GRID2: variants seen among roughly 807,000 people sequenced by gnomAD.
The protein encoded by GRID2 is glutamate receptor ionotropic, delta-2.
Under a neutral mutation model 114.8 loss-of-function variants are expected in GRID2, and 33 were observed. The ratio of observed to expected loss-of-function variants is 0.29; its 90% CI spans 0.22 to 0.38. The LOEUF (loss-of-function observed/expected upper bound fraction) is 0.38. GRID2 is among the 10% of genes least tolerant of loss of function. The pLI, the probability that GRID2 is intolerant of heterozygous loss-of-function variation, is 1.00. For synonymous variants in GRID2, 505 were observed against 449.9 expected (o/e 1.12, Z -1.55); for missense variants, 1,184 against 1,257.7 (o/e 0.94, Z 0.89).
chr4:92,318,507 C>CATT (rs1726129304), intron 1 of GRID2, among the ~76,000 whole-genome samples: 1 of 64,394 alleles, frequency 1.6e-5, no homozygotes, highest in Admixed American at 2.6e-4. Flanking sequence ...TATGCCAGGA[C>CATT]TTTTTTTTTT....
At chr4:93,101,814 G>T (rs1731733879) in intron 3 of GRID2, among the ~76,000 whole-genome samples, 2 of 152,176 alleles carry the variant, frequency 1.3e-5, no homozygotes, top group African/African-American at 4.8e-5. Context: ...AGATATCTGA[G>T]AAATTGATGG....
rs564415328 is a variant in GRID2, at chr4:92,664,046, T to C, written c.244+73760T>C. Reference sequence around the variant, plus strand: ...CTCTAACGTTTATTATTTCCTTCCTTCTTCTACCTCTGGGTTTTGTCTGTT... The same window carrying C: ...CTCTAACGTTTATTATTTCCTTCCTCCTTCTACCTCTGGGTTTTGTCTGTT... On this transcript the variant is annotated intron_variant, in intron 2 of 15. Transcript: ENST00000282020. Among the ~76,000 whole-genome samples the C allele has an allele frequency of 5.3e-5, 8 of 151,178 alleles. No individual in the cohort carries two copies. The South Asian group carries it at 1.7e-3, about 31-fold the overall frequency.
At chr4:93,416,356 C>T (rs1230541588) in intron 9 of GRID2, among the ~76,000 whole-genome samples, 2 of 151,960 alleles carry the variant, frequency 1.3e-5, no homozygotes, top group Non-Finnish European at 2.9e-5. Context: ...AAGCTCACAC[C>T]ATGCATAAAG....
At chr4:92,570,156 A>G (rs1727539703) in intron 1 of GRID2, among the ~76,000 whole-genome samples, 1 of 152,134 alleles carries the variant, frequency 6.6e-6, no homozygotes, top group Non-Finnish European at 1.5e-5. Flanking sequence ...GAAGGGGTCC[A>G]GTTTCAGTCT....
At chr4:92,425,363 T>A (rs1732107248) in intron 1 of GRID2, among the ~76,000 whole-genome samples, 1 of 151,976 alleles carries the variant, frequency 6.6e-6, no homozygotes, top group Admixed American at 6.6e-5. Flanking sequence ...CCAAAAAATG[T>A]CAAACACAAG....
intron 2 of GRID2, among the ~76,000 whole-genome samples, chr4:92,859,341 A>G (rs1176147255): frequency 6.6e-6 from 1 of 152,228 alleles, no homozygotes; most frequent in African/African-American, 2.4e-5. Flanking sequence ...GATTTGATAG[A>G]CTATAGTATA....
intron 2 of GRID2, among the ~76,000 whole-genome samples, chr4:93,082,196 T>A (rs1410207652): frequency 6.6e-6 from 1 of 152,220 alleles, no homozygotes. Flanking sequence ...TTGTGTGAGC[T>A]CTTCCTTTCC....
chr4:93,743,132 T>C (rs11935781), intron 14 of GRID2, among the ~76,000 whole-genome samples: 7,057 of 152,198 alleles, frequency 0.046, 543 homozygotes, highest in African/African-American at 0.16. Context: ...GGATAGAAGA[T>C]CATACCAGCC....
chr4:92,818,031 A>C (rs1296610720), intron 2 of GRID2, among the ~76,000 whole-genome samples: 4 of 152,248 alleles, frequency 2.6e-5, no homozygotes, highest in African/African-American at 9.6e-5. Context: ...CATGTGTGTG[A>C]AACCTTTTGT....
chr4:93,650,182 C>T (rs1722460630), intron 14 of GRID2, among the ~76,000 whole-genome samples: 1 of 152,112 alleles, frequency 6.6e-6, no homozygotes, highest in Non-Finnish European at 1.5e-5. Flanking sequence ...TGCCAACTTC[C>T]AATGCCTTTC....
chr4:93,145,720 T>A (rs1026347405), intron 4 of GRID2, among the ~76,000 whole-genome samples: 1 of 135,162 alleles, frequency 7.4e-6, no homozygotes, highest in East Asian at 2.5e-4. Flanking sequence ...TGTCTCGAAC[T>A]CCTGACCTCA....
chr4:92,454,700 T>G (rs1721116601), intron 1 of GRID2, among the ~76,000 whole-genome samples: 1 of 152,056 alleles, frequency 6.6e-6, no homozygotes, highest in Non-Finnish European at 1.5e-5. Context: ...GCCGGGCGTG[T>G]TGGCAGGCGC....
chr4:92,911,473 G>C (rs974511118), intron 2 of GRID2, among the ~76,000 whole-genome samples: 1 of 151,926 alleles, frequency 6.6e-6, no homozygotes, highest in Non-Finnish European at 1.5e-5. Context: ...AGGTAGTTAG[G>C]TATAACAGTT....
At chr4:93,149,204 T>C (rs1172085519) in intron 4 of GRID2, among the ~76,000 whole-genome samples, 1 of 152,070 alleles carries the variant, frequency 6.6e-6, no homozygotes, top group Non-Finnish European at 1.5e-5. Context: ...ATTCAAAATC[T>C]CCATTTTCCT....
intron 2 of GRID2, among the ~76,000 whole-genome samples, chr4:93,016,902 T>C (rs549446490): frequency 6.6e-5 from 10 of 152,302 alleles, no homozygotes; most frequent in African/African-American, 2.4e-4. Flanking sequence ...TAAATGACTT[T>C]CTTGAGTAGC....
intron 12 of GRID2, among the ~76,000 whole-genome samples, chr4:93,503,590 C>T (rs1007761930): frequency 6.0e-5 from 9 of 150,420 alleles, no homozygotes; most frequent in Non-Finnish European, 1.0e-4. Context: ...GTTTTTTGTC[C>T]TTGCAATAGT....
intron 13 of GRID2, among the ~76,000 whole-genome samples, chr4:93,569,431 A>G (rs1297396317): frequency 2.0e-5 from 3 of 152,182 alleles, no homozygotes; most frequent in Admixed American, 6.5e-5. Flanking sequence ...CCACCCATTT[A>G]TCACCAAATC....
chr4:92,697,631 G>C (rs568055186), intron 2 of GRID2, among the ~76,000 whole-genome samples: 1 of 152,082 alleles, frequency 6.6e-6, no homozygotes, highest in African/African-American at 2.4e-5. Context: ...ATATATGTGA[G>C]CTTTTTTGAC....
At chr4:92,497,140 G>GT (rs1723428780) in intron 1 of GRID2, among the ~76,000 whole-genome samples, 1 of 151,368 alleles carries the variant, frequency 6.6e-6, no homozygotes, top group African/African-American at 2.4e-5. Context: ...CTTTCCTCTG[G>GT]TTAAAAAAAA....
Sources: gnomAD v4.1 joint callset for allele counts (sites outside exome capture counted in the v4.1 genomes callset) on GRCh38, gnomAD v4.1.1 for gene constraint, MANE v1.5 for transcripts, NCBI Gene and HGNC (gene_info 2026-07-23, HGNC 2026-07-21) for gene names.